The following ABCA1 variants were observed in gnomAD, a reference collection of about 807,000 sequenced individuals.
ABCA1 encodes ATP binding cassette subfamily A member 1.
Under a neutral mutation model 262.5 loss-of-function variants are expected in ABCA1, and 133 were observed. The ratio of observed to expected loss-of-function variants is 0.51; its 90% CI spans 0.44 to 0.59. ABCA1 has a LOEUF of 0.59. Among genes scored for constraint, ABCA1 ranks in the 20% least tolerant of loss-of-function variants. ABCA1 has a pLI of 0.00. For synonymous variants in ABCA1, 1,022 were observed against 1,043.5 expected (o/e 0.98, Z 0.40); for missense variants, 2,452 against 2,777.5 (o/e 0.88, Z 2.63).
Position 104,798,425 on chromosome 9 carries a change from T to G in ABCA1, c.5117A>C (p.Asp1706Ala). ...VIYWLSNFVW[D>A]MCNYVVPATL... ...ACAGCAGGCCTGTGTCCTTACCATA[T>G]CCCAGACAAAATTAGAGAGCCAGTA... Residue 1706 changes from aspartate (D) to alanine (A), a missense_variant, in exon 37 of 50, where the codon GAT (aspartate) becomes GCT (alanine). Around this residue, in one of 4 missense-constraint regions of ABCA1, gnomAD observed 752 missense variants for 944.5 expected, o/e 0.80. Coordinates refer to ENST00000374736, the MANE Select transcript of ABCA1 (RefSeq NM_005502.4). The G allele has an allele frequency of 6.2e-7, 1 of 1,614,120 alleles. No homozygotes were observed. The highest frequency in any genetic ancestry group is 8.5e-7 in the Non-Finnish European group (1 of 1,179,992).
At chr9:104,864,373 G>A (rs533502638) in intron 5 of ABCA1, among the ~76,000 whole-genome samples, 8 of 152,124 alleles carry the variant, frequency 5.3e-5, no homozygotes, top group African/African-American at 1.2e-4. Flanking sequence ...AGCGACATCC[G>A]GGGTCACTTT....
chr9:104,814,027 G>C (rs1165897255), intron 27 of ABCA1, 91 bp downstream of exon 27: 1 of 1,334,916 alleles, frequency 7.5e-7, no homozygotes, highest in Admixed American at 1.8e-5. Context: ...TATCACCTTG[G>C]CTAAAGGCCA....
intron 7 of ABCA1, among the ~76,000 whole-genome samples, chr9:104,847,863 G>T (rs1835030670): frequency 6.6e-6 from 1 of 152,104 alleles, no homozygotes; most frequent in African/African-American, 2.4e-5. Flanking sequence ...TGCATAATAG[G>T]TTGTGTATAG....
intron 5 of ABCA1, among the ~76,000 whole-genome samples, chr9:104,863,651 A>G (rs4149285): frequency 0.074 from 11,219 of 152,266 alleles, 634 homozygotes; most frequent in East Asian, 0.3. Flanking sequence ...TGAGTTATAT[A>G]GACAGAATAA....
intron 29 of ABCA1, among the ~76,000 whole-genome samples, chr9:104,809,851 AT>A (rs1588263458): frequency 1.3e-5 from 2 of 151,822 alleles, no homozygotes; most frequent in East Asian, 1.9e-4. Flanking sequence ...ACATTTATAT[AT>A]TTTTTTTAAT....
At chr9:104,785,320 T>C (rs1433365060) in intron 49 of ABCA1, 76 bp downstream of exon 49, 3 of 1,584,640 alleles carry the variant, frequency 1.9e-6, no homozygotes, top group South Asian at 2.2e-5. Context: ...AAACTGCTCT[T>C]GGACCTATGG....
chr9:104,787,718 A>T (rs1829050541), intron 46 of ABCA1: 1 of 460,386 alleles, frequency 2.2e-6, no homozygotes, highest in African/African-American at 2.1e-5. Flanking sequence ...GAGTGCCTCT[A>T]TTTGGGAGCA....
intron 14 of ABCA1, among the ~76,000 whole-genome samples, chr9:104,830,270 G>A (rs1833170004): frequency 6.6e-6 from 1 of 152,238 alleles, no homozygotes; most frequent in Non-Finnish European, 1.5e-5. Flanking sequence ...TACATAAACT[G>A]TGCTTTTATA....
At position 104,819,596 on chromosome 9, in the gene ABCA1, T is replaced by C. The variant is rs753337498; in HGVS notation, c.3231A>G (p.Lys1077=). 6.2e-7 allele frequency: 1 copy of C among 1,614,088 alleles called. No individual in the cohort carries two copies. ...SRRGIWELLL[K]YRQGRTIILS... ...ATACACATCAGGCACCTTGTCGGTA[T>C]TTCAGCAGCAGCTCCCATATTCCCC... Residue 1077 remains lysine (K), a synonymous_variant, in exon 22 of 50, where the codon AAA becomes AAG. Coordinates refer to ENST00000374736, the MANE Select transcript of ABCA1 (RefSeq NM_005502.4).
At chr9:104,806,205 C>T (rs1450779003) in intron 31 of ABCA1, 36 bp downstream of exon 31, 10 of 1,604,034 alleles carry the variant, frequency 6.2e-6, no homozygotes, top group African/African-American at 1.3e-5. Context: ...CCATCCTGCA[C>T]CCCTTCTGCC....
chr9:104,872,738 A>G, intron 5 of ABCA1, among the ~76,000 whole-genome samples: 1 of 152,240 alleles, frequency 6.6e-6, no homozygotes, highest in East Asian at 1.9e-4. Flanking sequence ...GCTTTCAATG[A>G]GAAACAAACT....
At chr9:104,804,573 A>T in intron 32 of ABCA1, 53 bp downstream of exon 32, 1 of 1,389,164 alleles carries the variant, frequency 7.2e-7, no homozygotes, top group Non-Finnish European at 1.0e-6. Context: ...GTAGGTCTTT[A>T]ATTCCTCTAA....
At chr9:104,803,662 C>A (rs576983786) in intron 32 of ABCA1, among the ~76,000 whole-genome samples, 72 of 152,110 alleles carry the variant, frequency 4.7e-4, no homozygotes, top group African/African-American at 1.7e-3. Context: ...GGCTGGAATG[C>A]AATGGCATGA....
At chr9:104,843,960 C>T (rs1834621479) in intron 8 of ABCA1, among the ~76,000 whole-genome samples, 1 of 150,844 alleles carries the variant, frequency 6.6e-6, no homozygotes, top group African/African-American at 2.4e-5. Context: ...ATATTGTTCA[C>T]TTGGAGAGTT....
intron 5 of ABCA1, among the ~76,000 whole-genome samples, chr9:104,866,003 A>T (rs1837057059): frequency 6.6e-6 from 1 of 152,196 alleles, no homozygotes; most frequent in East Asian, 1.9e-4. Context: ...GATGAGGTTT[A>T]TCTGTAAGTG....
At chr9:104,862,880 C>T (rs1343669108) in intron 5 of ABCA1, among the ~76,000 whole-genome samples, 1 of 150,638 alleles carries the variant, frequency 6.6e-6, no homozygotes, top group Non-Finnish European at 1.5e-5. Flanking sequence ...ATCAAAGTGC[C>T]TTCACAGACA....
chr9:104,847,971 T>C (rs1486675451), intron 7 of ABCA1, among the ~76,000 whole-genome samples: 1 of 152,140 alleles, frequency 6.6e-6, no homozygotes, highest in Non-Finnish European at 1.5e-5. Flanking sequence ...GGCCTCAAAG[T>C]TGACATTTCA....
chr9:104,875,414 T>C lies in ABCA1; in HGVS notation c.421+7625A>G, dbSNP rs145381761. ...ATTCATGCCATGAACATAAGGGAAG[T>C]GGCAGCTGAGCCACTGACTCCACAC... On this transcript the variant is annotated intron_variant, in intron 5 of 49. Transcript: ENST00000374736. 7.9e-4 allele frequency among the ~76,000 whole-genome samples: 119 copies of C among 150,134 alleles called. 1 individual carries two copies. The highest frequency in any genetic ancestry group is 2.8e-3 in the African/African-American group (115 of 40,746).
In ABCA1 at chr9:104,812,622, C is replaced by T. The variant is rs757389241; in HGVS notation, c.4002G>A (p.Trp1334Ter). Residue 1334 changes from tryptophan (W) to a stop codon, truncating the protein, a stop_gained, in exon 28 of 50, where the codon TGG becomes TGA. Coordinates refer to ENST00000374736, the MANE Select transcript of ABCA1 (RefSeq NM_005502.4). LOFTEE classifies it high-confidence loss of function. Reference sequence around the variant, plus strand: ...TCCGTCTGGCAATTAGCAGTCTCTTCCACAAAAGGGCCACAAACTGTTGCT... The same window carrying T: ...TCCGTCTGGCAATTAGCAGTCTCTTTCACAAAAGGGCCACAAACTGTTGCT... ...LTQQQFVALLWKRLLIARRSR... is the reference protein window; with the variant it reads ...LTQQQFVALL 1.2e-6 allele frequency: 2 copies of T among 1,614,102 alleles called. No individual in the cohort carries two copies. The highest frequency in any genetic ancestry group is 1.3e-5 in the African/African-American group (1 of 74,934).
Sources: allele counts gnomAD v4.1 joint callset (sites outside exome capture counted in the v4.1 genomes callset), GRCh38; gene constraint gnomAD v4.1.1; regional missense constraint gnomAD v4.1.1; transcripts MANE v1.5; gene names NCBI Gene and HGNC (gene_info 2026-07-23, HGNC 2026-07-21).